The following CACNA1I variants were observed in gnomAD, a reference collection of about 807,000 sequenced individuals.
The protein encoded by CACNA1I is calcium voltage-gated channel subunit alpha1 I.
A neutral mutation model predicts 201.6 loss-of-function variants in CACNA1I; 74 were observed. The observed-to-expected ratio is 0.37, with a 90% CI of 0.30 to 0.45. CACNA1I has a LOEUF of 0.45. Ranked by LOEUF, CACNA1I falls within the 20% of genes least tolerant of loss-of-function variation. The pLI, the probability that CACNA1I is intolerant of heterozygous loss-of-function variation, is 1.00. For synonymous variants in CACNA1I, 1,431 were observed against 1,345.2 expected (o/e 1.06, Z -1.40); for missense variants, 2,346 against 3,138.1 (o/e 0.75, Z 6.03).
At chr22:39,644,193 G>C (rs1294087152) in intron 7 of CACNA1I, among the ~76,000 whole-genome samples, 2 of 152,208 alleles carry the variant, frequency 1.3e-5, no homozygotes, top group African/African-American at 2.4e-5. Flanking sequence ...GGAGCCACAA[G>C]CCCCTGGGGT....
intron 1 of CACNA1I, among the ~76,000 whole-genome samples, chr22:39,588,196 C>T (rs1460284036): frequency 1.4e-5 from 2 of 140,362 alleles, no homozygotes; most frequent in East Asian, 2.0e-4. Flanking sequence ...GCAGTGGCAC[C>T]GTCATAACTC....
Position 39,664,852 on chromosome 22 carries a change from C to A in CACNA1I, c.3780C>A (p.Ala1260=). 6.2e-7 allele frequency: 1 copy of A among 1,613,100 alleles called. No individual in the cohort carries two copies. Among genetic ancestry groups the A allele is most frequent in the Non-Finnish European group, 8.5e-7 (1 of 1,179,774 alleles). Reference sequence around the variant, plus strand: ...TCATCGACATCGTGGTGTCCCTGGCCTCAGCCGGGGGAGCCAAGATCTTGG... The same window carrying A: ...TCATCGACATCGTGGTGTCCCTGGCATCAGCCGGGGGAGCCAAGATCTTGG... The part of the protein sequence containing the change: ...VSIIDIVVSL[A]SAGGAKILGV... Residue 1260 remains alanine, a synonymous_variant, in exon 21 of 37, where the codon GCC becomes GCA. Coordinates refer to ENST00000402142, the MANE Select transcript of CACNA1I (RefSeq NM_021096.4).
chr22:39,671,060 A>G, intron 26 of CACNA1I, 106 bp downstream of exon 26: 1 of 1,022,738 alleles, frequency 9.8e-7, no homozygotes, highest in South Asian at 1.5e-5. Context: ...TGATAGCAGG[A>G]TGTGAGCAGC....
intron 1 of CACNA1I, among the ~76,000 whole-genome samples, chr22:39,576,867 T>C (rs1239684158): frequency 6.6e-6 from 1 of 152,230 alleles, no homozygotes; most frequent in Non-Finnish European, 1.5e-5. Context: ...CTTGCCCCTC[T>C]GCCGACTTCT....
At chr22:39,625,566 G>A (rs1933875339) in intron 4 of CACNA1I, among the ~76,000 whole-genome samples, 1 of 152,180 alleles carries the variant, frequency 6.6e-6, no homozygotes. Flanking sequence ...AGGATGAGCG[G>A]GGGACATGGA....
chr22:39,671,739 A>G (rs1458038625), intron 26 of CACNA1I, among the ~76,000 whole-genome samples: 1 of 152,250 alleles, frequency 6.6e-6, no homozygotes, highest in Non-Finnish European at 1.5e-5. Flanking sequence ...CAATAATTAT[A>G]CAACTTCCAA....
intron 5 of CACNA1I, among the ~76,000 whole-genome samples, chr22:39,638,760 A>G (rs1003737470): frequency 4.6e-5 from 7 of 152,138 alleles, no homozygotes; most frequent in African/African-American, 1.7e-4. Flanking sequence ...TTTTGGCACC[A>G]GGGACCAGTT....
At chr22:39,616,836 C>T (rs377157745) in intron 3 of CACNA1I, among the ~76,000 whole-genome samples, 3 of 151,802 alleles carry the variant, frequency 2.0e-5, no homozygotes, top group South Asian at 2.1e-4. Context: ...GAGTTGTGCA[C>T]GAGGGCAGTC....
At chr22:39,581,387 G>A (rs1468015346) in intron 1 of CACNA1I, among the ~76,000 whole-genome samples, 1 of 152,180 alleles carries the variant, frequency 6.6e-6, no homozygotes, top group Non-Finnish European at 1.5e-5. Flanking sequence ...GATTCTGGAG[G>A]GCAGAACGGA....
Position 39,685,967 on chromosome 22 carries a change from G to T in CACNA1I, c.6234G>T (p.Arg2078=), listed in dbSNP as rs1206371922. 7.9e-7 allele frequency: 1 copy of T among 1,258,366 alleles called. No individual in the cohort carries two copies. Among genetic ancestry groups the T allele is most frequent in the Non-Finnish European group, 9.9e-7 (1 of 1,008,838 alleles). The allele number at this position is 1,258,366 out of a possible 1,614,324, so 78.0% of individuals were successfully genotyped here. Residue 2078 remains arginine, a synonymous_variant, in exon 37 of 37, where the codon CGG becomes CGT. Transcript: ENST00000402142. The surrounding 1 kb of genome is among the most constrained non-coding windows in gnomAD (Gnocchi z 5.0). ...GCGGCCGGGGCCTCTTCAGCCTGCG[G>T]GGGCTGCGGGCGCATCAGCGCAGCC... The part of the protein sequence containing the change: ...SLRGRGLFSL[R]GLRAHQRSHS...
intron 4 of CACNA1I, among the ~76,000 whole-genome samples, chr22:39,627,372 C>A (rs1162955641): frequency 6.6e-6 from 1 of 152,234 alleles, no homozygotes; most frequent in African/African-American, 2.4e-5. Context: ...GGAGGGAGAG[C>A]ATCAGCCGCA....
chr22:39,684,377 T>G lies in CACNA1I; in HGVS notation c.5906T>G (p.Val1969Gly). ...CCAGCCGAGTTCTTCCACCCTGCAG[T>G]GTCTGCCAGCCAGAAAGGCCCAGAA... The part of the protein sequence containing the change: ...PMPAEFFHPA[V>G]SASQKGPEKG... Residue 1969 changes from valine to glycine, a missense_variant, in exon 36 of 37, where the codon GTG becomes GGG. Around this residue, in one of 13 missense-constraint regions of CACNA1I, gnomAD observed 441 missense variants for 555.6 expected, o/e 0.79. Coordinates refer to ENST00000402142, the MANE Select transcript of CACNA1I (RefSeq NM_021096.4). The surrounding 1 kb of genome is among the most constrained non-coding windows in gnomAD (Gnocchi z 4.6). 1 of 1,613,572 alleles carries G rather than the reference T, an allele frequency of 6.2e-7. No individual in the cohort carries two copies. The highest frequency in any genetic ancestry group is 1.1e-5 in the South Asian group (1 of 91,018).
In CACNA1I at chr22:39,685,912, C is replaced by T; in HGVS notation, c.6179C>T (p.Ser2060Phe). Reference sequence around the variant, plus strand: ...GCTCCAGGACCCCGGGCCGGCCTGTCCCCCGCCGCTCGCCGCCGCCTGAGC... The same window carrying T: ...GCTCCAGGACCCCGGGCCGGCCTGTTCCCCGCCGCTCGCCGCCGCCTGAGC... ...APAPGPRAGLSPAARRRLSLR... is the reference protein window; with the variant it reads ...APAPGPRAGLFPAARRRLSLR... Residue 2060 changes from serine to phenylalanine, a missense_variant, in exon 37 of 37, where the codon TCC becomes TTC. Physicochemically the swap from Ser to Phe is radical, Grantham distance 155. Around this residue, in one of 13 missense-constraint regions of CACNA1I, gnomAD observed 441 missense variants for 555.6 expected, o/e 0.79. Coordinates refer to ENST00000402142, the MANE Select transcript of CACNA1I (RefSeq NM_021096.4). The surrounding 1 kb of genome is among the most constrained non-coding windows in gnomAD (Gnocchi z 5.0). The T allele has an allele frequency of 1.5e-6, 2 of 1,330,806 alleles. No homozygotes were observed. Among genetic ancestry groups the T allele is most frequent in the Non-Finnish European group, 1.9e-6 (2 of 1,051,100 alleles). 82.4% of individuals were successfully genotyped at this position (1,330,806 alleles called of 1,614,324 possible).
Position 39,662,293 on chromosome 22 carries a change from AC to A in CACNA1I, c.3235del (p.Arg1079GlyfsTer55). On this transcript the variant is annotated frameshift_variant, in exon 17 of 37. Coordinates refer to ENST00000402142, the MANE Select transcript of CACNA1I (RefSeq NM_021096.4). LOFTEE classifies it high-confidence loss of function. ...LAELVPAVGA[H>X]PRAAWRAAGP... is the part of the protein sequence containing the mutation. ...GAGCTGGTGCCCGCGGTGGGCGCCC[AC>A]CCCCGGGCCGCCTGGAGGGCGGCAG... is the stretch of plus-strand genomic sequence containing the variant. 1 of 1,502,180 alleles carries A rather than the reference AC, an allele frequency of 6.7e-7. No individual in the cohort carries two copies. 93.1% of individuals were successfully genotyped at this position (1,502,180 alleles called of 1,614,324 possible). A position where few individuals can be genotyped will look rare whatever the true frequency, so the allele number is the denominator to read the frequency against.
At chr22:39,608,316 G>A (rs1458644751) in intron 3 of CACNA1I, among the ~76,000 whole-genome samples, 2 of 151,956 alleles carry the variant, frequency 1.3e-5, no homozygotes, top group Non-Finnish European at 2.9e-5. Flanking sequence ...GAACTTCTGT[G>A]ATCACCCAGT....
At chr22:39,671,319 C>G (rs921389860) in intron 26 of CACNA1I, among the ~76,000 whole-genome samples, 3 of 152,268 alleles carry the variant, frequency 2.0e-5, no homozygotes, top group African/African-American at 7.2e-5. Flanking sequence ...AGGGGGAATC[C>G]TTTGTCTGGA....
At chr22:39,580,999 C>T (rs1047117518) in intron 1 of CACNA1I, among the ~76,000 whole-genome samples, 1 of 152,216 alleles carries the variant, frequency 6.6e-6, no homozygotes, top group Non-Finnish European at 1.5e-5. Flanking sequence ...CCGGTGGTGA[C>T]CCTAAGGAGT....
chr22:39,619,389 G>A lies in CACNA1I; in HGVS notation c.562G>A (p.Ala188Thr). The A allele has an allele frequency of 6.2e-7, 1 of 1,608,330 alleles. No individual in the cohort carries two copies. Reference protein sequence around the residue: ...RTVRVLRPLKAINRVPSMRIL... With the variant: ...RTVRVLRPLKTINRVPSMRIL... ...CGTGCGCGTCCTGAGGCCCCTCAAA[G>A]CCATCAACCGCGTGCCCAGTGAGTC... Residue 188 changes from alanine (A) to threonine (T), a missense_variant, in exon 4 of 37, where the codon GCC becomes ACC. Physicochemically the swap from Ala to Thr is moderately conservative, Grantham distance 58. Transcript: ENST00000402142.
At chr22:39,634,129 C>T (rs117655323) in intron 4 of CACNA1I, among the ~76,000 whole-genome samples, 1 of 152,204 alleles carries the variant, frequency 6.6e-6, no homozygotes, top group Non-Finnish European at 1.5e-5. Flanking sequence ...TGGTTTAAAT[C>T]TAGACCCTGC....
Sources: gnomAD v4.1 joint callset for allele counts (sites outside exome capture counted in the v4.1 genomes callset) on GRCh38, gnomAD v4.1.1 for gene constraint, gnomAD v4.1.1 regional missense constraint, Gnocchi (gnomAD v3.1) non-coding constraint, MANE v1.5 for transcripts, NCBI Gene and HGNC (gene_info 2026-07-23, HGNC 2026-07-21) for gene names.